Variants in CNTN5 observed in about 807,000 individuals in gnomAD.
CNTN5 encodes contactin-5.
Under a neutral mutation model 129.1 loss-of-function variants are expected in CNTN5, and 77 were observed. The observed-to-expected ratio is 0.60, with a 90% CI of 0.50 to 0.72. The LOEUF is 0.72. CNTN5 is among the 30% of genes least tolerant of loss of function. The pLI is 0.00. For synonymous variants in CNTN5, 509 were observed against 465.6 expected (o/e 1.09, Z -1.20); for missense variants, 1,478 against 1,328.8 (o/e 1.11, Z -1.75).
chr11:99,228,692 A>G (rs1363326756), intron 1 of CNTN5, among the ~76,000 whole-genome samples: 1 of 151,922 alleles, frequency 6.6e-6, no homozygotes, highest in African/African-American at 2.4e-5. Context: ...CTTTTTTTAT[A>G]TTTCTTTGAA....
At chr11:99,584,738 G>A (rs943366349) in intron 3 of CNTN5, among the ~76,000 whole-genome samples, 14 of 152,322 alleles carry the variant, frequency 9.2e-5, no homozygotes, top group Admixed American at 8.5e-4. Flanking sequence ...TCAGGGAAAA[G>A]CATTCTGCTT....
chr11:99,037,793 T>G (rs1397762090), intron 1 of CNTN5, among the ~76,000 whole-genome samples: 1 of 151,838 alleles, frequency 6.6e-6, no homozygotes, highest in Non-Finnish European at 1.5e-5. Flanking sequence ...TTGGCCAGGC[T>G]GGTCTTGAAC....
Position 99,943,601 on chromosome 11 carries a change from C to G in CNTN5, c.674-13205C>G, listed in dbSNP as rs1238494104. Reference sequence around the variant, plus strand: ...GCTTTTGATGTTTCAGTCATGAAGTCTTTGCCCATGCCTATGTCCTGAATG... The same window carrying G: ...GCTTTTGATGTTTCAGTCATGAAGTGTTTGCCCATGCCTATGTCCTGAATG... On this transcript the variant is annotated intron_variant, in intron 7 of 24. Transcript: ENST00000524871. Among the ~76,000 whole-genome samples, 5 of 152,134 alleles carry G rather than the reference C, an allele frequency of 3.3e-5. No homozygotes were observed. In the East Asian group the frequency reaches 9.6e-4, roughly 29 times the overall value.
chr11:99,367,655 G>T (rs1415577764), intron 2 of CNTN5, among the ~76,000 whole-genome samples: 1 of 152,138 alleles, frequency 6.6e-6, no homozygotes, highest in Non-Finnish European at 1.5e-5. Flanking sequence ...AATTTCTAAA[G>T]AAGCAATAAG....
At chr11:100,222,639 A>G (rs894939127) in intron 15 of CNTN5, among the ~76,000 whole-genome samples, 15 of 151,962 alleles carry the variant, frequency 9.9e-5, no homozygotes, top group East Asian at 3.9e-4. Flanking sequence ...TGTGATATTA[A>G]AAAACAAGCA....
chr11:99,329,270 CA>C (rs1865908979), intron 2 of CNTN5, among the ~76,000 whole-genome samples: 1 of 152,108 alleles, frequency 6.6e-6, no homozygotes, highest in Non-Finnish European at 1.5e-5. Flanking sequence ...TAGTGTGACA[CA>C]AGGCATCCAC....
chr11:99,030,780 C>CTTTTTTT lies in CNTN5; in HGVS notation c.-210+9522_-210+9528dup, dbSNP rs71305325. On this transcript the variant is annotated intron_variant, in intron 1 of 24. Coordinates refer to ENST00000524871, the MANE Select transcript of CNTN5 (RefSeq NM_014361.4). ...AAATGTGGCGTCTAATGCTAACTCT[C>CTTTTTTT]TTTTTTTTTTTTTTTTTTGAGATGG... is the stretch of plus-strand genomic sequence containing the variant. Among the ~76,000 whole-genome samples, 107 of 120,222 alleles carry CTTTTTTT rather than the reference C, an allele frequency of 8.9e-4. 1 individual carries two copies. The highest frequency in any genetic ancestry group is 7.9e-3 in the East Asian group (32 of 4,050). The allele number at this position is 120,222 out of a possible 152,430, so 78.9% of individuals were successfully genotyped here.
chr11:99,898,780 T>G (rs1477396246), intron 6 of CNTN5, among the ~76,000 whole-genome samples: 1 of 152,006 alleles, frequency 6.6e-6, no homozygotes, highest in Non-Finnish European at 1.5e-5. Flanking sequence ...TTCTCTGAGT[T>G]TAGCAGATAT....
chr11:99,409,120 A>C (rs1047970053), intron 2 of CNTN5, among the ~76,000 whole-genome samples: 5 of 152,206 alleles, frequency 3.3e-5, no homozygotes, highest in African/African-American at 1.2e-4. Flanking sequence ...TGATATTTCT[A>C]ATAATTTTAA....
rs191741034 is a variant in CNTN5 at position 99,685,244 on chromosome 11, T to C, written c.55+128975T>C. ...CTTTAAGGCTTTGATTTACTCTGTT[T>C]AGAGAGATACATTGTTTTAATCTAT... is the stretch of plus-strand genomic sequence containing the variant. On this transcript the variant is annotated intron_variant, in intron 3 of 24. Coordinates refer to ENST00000524871, the MANE Select transcript of CNTN5 (RefSeq NM_014361.4). Among the ~76,000 whole-genome samples, 6 of 151,834 alleles carry C rather than the reference T, an allele frequency of 4.0e-5. No homozygotes were observed. The East Asian group carries it at 7.8e-4, about 20-fold the overall frequency.
intron 3 of CNTN5, among the ~76,000 whole-genome samples, chr11:99,652,493 C>T (rs905962837): frequency 1.4e-4 from 22 of 151,944 alleles, no homozygotes; most frequent in Admixed American, 5.9e-4. Context: ...CTGTGTCCAC[C>T]GGAAAGCGGT....
At position 99,688,098 on chromosome 11, in the gene CNTN5, C is replaced by A. The variant is rs138633930; in HGVS notation, c.56-131446C>A. 1.4e-3 allele frequency among the ~76,000 whole-genome samples: 220 copies of A among 152,240 alleles called. 1 individual carries two copies. Among genetic ancestry groups the A allele is most frequent in the African/African-American group, 5.0e-3 (208 of 41,536 alleles). On this transcript the variant is annotated intron_variant, in intron 3 of 24. Coordinates refer to ENST00000524871, the MANE Select transcript of CNTN5 (RefSeq NM_014361.4). The stretch of plus-strand genomic sequence containing the variant: ...GTGGATTCCCTTTGCGATATATTCA[C>A]CCTGGTTATTTATTTCTTACTTGAA...
intron 3 of CNTN5, among the ~76,000 whole-genome samples, chr11:99,607,179 A>G (rs1950447911): frequency 2.2e-5 from 2 of 92,380 alleles, no homozygotes; most frequent in South Asian, 3.8e-4. Flanking sequence ...ACATGGGAGA[A>G]AATTTTCACA....
intron 3 of CNTN5, among the ~76,000 whole-genome samples, chr11:99,672,438 A>G (rs1390368836): frequency 6.6e-6 from 1 of 151,668 alleles, no homozygotes; most frequent in Non-Finnish European, 1.5e-5. Flanking sequence ...TTCTCCTATG[A>G]GCTTTAGCAA....
chr11:99,039,809 G>T (rs1021744144), intron 1 of CNTN5, among the ~76,000 whole-genome samples: 7 of 152,186 alleles, frequency 4.6e-5, no homozygotes, highest in Admixed American at 2.6e-4. Context: ...AAAGAATCAG[G>T]AGTACCCTAT....
intron 2 of CNTN5, 83 bp from the exon 3 acceptor site, chr11:99,556,062 G>A (rs1226411051): frequency 4.6e-6 from 2 of 439,202 alleles, no homozygotes; most frequent in East Asian, 6.7e-5. Context: ...GTTATTAGGA[G>A]ATTTTTGCAT....
rs1863897837 is a variant in CNTN5 at position 99,039,468 on chromosome 11, C to A, written c.-210+18198C>A. Reference sequence around the variant, plus strand: ...ACTAGACAAACTCAGAAAAGCCATGCTGCTCTTCATTGTATTCACTTTGCC... The same window carrying A: ...ACTAGACAAACTCAGAAAAGCCATGATGCTCTTCATTGTATTCACTTTGCC... On this transcript the variant is annotated intron_variant, in intron 1 of 24. Transcript: ENST00000524871. 2.0e-5 allele frequency among the ~76,000 whole-genome samples: 3 copies of A among 152,090 alleles called. No homozygotes were observed. In the South Asian group the frequency reaches 6.2e-4, roughly 32 times the overall value.
chr11:100,112,685 A>G (rs2138123086), intron 13 of CNTN5, among the ~76,000 whole-genome samples: 1 of 152,292 alleles, frequency 6.6e-6, no homozygotes, highest in South Asian at 2.1e-4. Flanking sequence ...GGCAGCGCAC[A>G]TCTTTCTTTA....
intron 16 of CNTN5, among the ~76,000 whole-genome samples, chr11:100,230,974 C>T (rs1356703687): frequency 1.3e-5 from 2 of 152,220 alleles, no homozygotes; most frequent in African/African-American, 4.8e-5. Flanking sequence ...AAAATACAGT[C>T]ACTTCACATC....
Sources: gnomAD v4.1 joint callset for allele counts (sites outside exome capture counted in the v4.1 genomes callset) on GRCh38, gnomAD v4.1.1 for gene constraint, MANE v1.5 for transcripts, NCBI Gene and HGNC (gene_info 2026-07-23, HGNC 2026-07-21) for gene names.